Variants in PKLR observed in about 807,000 individuals in gnomAD.
PKLR encodes the protein pyruvate kinase L/R, also known as pyruvate kinase PKLR.
PKLR carries 38 observed loss-of-function variants against 53.6 expected under a neutral mutation model. The observed-to-expected ratio is 0.71, with a 90% CI of 0.55 to 0.93. PKLR has a LOEUF of 0.93. PKLR is among the 40% of genes least tolerant of loss of function. PKLR has a pLI of 0.00. For missense variants in PKLR, 702 were observed against 787.3 expected, an observed-to-expected ratio of 0.89 and a Z score of 1.30; for synonymous variants, 328 against 316.2, an observed-to-expected ratio of 1.04 and a Z score of -0.39.
chr1:155,294,002 G>A (rs8177978), intron 7 of PKLR, among the ~76,000 whole-genome samples: 18 of 152,184 alleles, frequency 1.2e-4, no homozygotes, highest in Non-Finnish European at 2.4e-4. Context: ...GCATGGCGGC[G>A]GTCACCTGTA....
At chr1:155,291,640 G>A (rs1205902391) in intron 10 of PKLR, 116 bp downstream of exon 10, 1 of 877,626 alleles carries the variant, frequency 1.1e-6, no homozygotes, top group African/African-American at 1.6e-5. Context: ...GACTCTCACA[G>A]GGAAAACCTG....
chr1:155,297,099 A>G (rs1245190658), intron 2 of PKLR, among the ~76,000 whole-genome samples: 1 of 151,992 alleles, frequency 6.6e-6, no homozygotes, highest in African/African-American at 2.4e-5. Context: ...TTAACGTTAG[A>G]TACCCTGTTC....
chr1:155,291,947 G>A lies in PKLR; in HGVS notation c.1437-10C>T, dbSNP rs1176426159. The A allele has an allele frequency of 1.9e-6, 3 of 1,612,252 alleles. No homozygotes were observed. The highest frequency in any genetic ancestry group is 1.7e-6 in the Non-Finnish European group (2 of 1,179,674). ...CAGAAGCTGGGCTGAGCTGGAGGAG[G>A]CAGAGAAGGTCAGCCCAGAACAGCA... On this transcript the variant is annotated splice_polypyrimidine_tract_variant and intron_variant, in intron 9 of 10. Transcript: ENST00000342741.
chr1:155,299,725 C>T (rs1448672040), intron 2 of PKLR, among the ~76,000 whole-genome samples: 4 of 151,798 alleles, frequency 2.6e-5, no homozygotes, highest in Non-Finnish European at 5.9e-5. Flanking sequence ...AGGCTAGTCT[C>T]GAACTCCTGA....
chr1:155,306,764 C>T, the PKLR span, among the ~76,000 whole-genome samples: 3 of 152,164 alleles, frequency 2.0e-5, no homozygotes, highest in Non-Finnish European at 4.4e-5. The surrounding 1 kb of genome is among the most constrained non-coding windows in gnomAD (Gnocchi z 4.2). Flanking sequence ...AATGAAGCCG[C>T]GGACCCTCGC....
intron 1 of PKLR, among the ~76,000 whole-genome samples, 195 bp from the exon 2 acceptor site, chr1:155,300,475 A>G (rs1263955111): frequency 6.6e-6 from 1 of 152,220 alleles, no homozygotes; most frequent in Non-Finnish European, 1.5e-5. Context: ...TGGATAAAGA[A>G]ACAGAGGCTG....
At chr1:155,308,223 G>A in the PKLR span, among the ~76,000 whole-genome samples, 56 of 148,884 alleles carry the variant, frequency 3.8e-4, 1 homozygote, top group East Asian at 0.011. Context: ...CACCACGCCC[G>A]ACTAATTTTT....
chr1:155,301,663 T>C (rs1648002066), upstream of PKLR, among the ~76,000 whole-genome samples: 2 of 152,068 alleles, frequency 1.3e-5, no homozygotes, highest in African/African-American at 2.4e-5. Flanking sequence ...TGGCCAGTCA[T>C]ATGGCCCCAT....
Position 155,299,022 on chromosome 1 carries a change from CTTTCTTTCTTTCTCT to C in PKLR, c.283+1061_283+1075del, listed in dbSNP as rs1427075866. Among the ~76,000 whole-genome samples the C allele has an allele frequency of 2.6e-3, 255 of 97,040 alleles. 11 individuals are homozygous for C. Among genetic ancestry groups the C allele is most frequent in the African/African-American group, 6.9e-3 (137 of 19,888 alleles). 63.7% of individuals were successfully genotyped at this position (97,040 alleles called of 152,430 possible). On this transcript the variant is annotated intron_variant, in intron 2 of 10. Transcript: ENST00000342741. ...TCTTTCTTTCTTTCTTTCTTTCTTT[CTTTCTTTCTTTCTCT>C]TTCTTTCTTTCTTTCCTTCCTTCCT...
chr1:155,290,338 G>A lies in PKLR; in HGVS notation c.*234C>T. ...CAATTGGTGCTGTTGGGTGGCCAGT[G>A]CATAATTGGACACAGACTTTCAGGA... On this transcript the variant is annotated 3_prime_UTR_variant, in exon 11 of 11. Transcript: ENST00000342741. 2 of 574,090 alleles carry A rather than the reference G, an allele frequency of 3.5e-6. No individual in the cohort carries two copies. The highest frequency in any genetic ancestry group is 4.0e-5 in the South Asian group (2 of 50,164). 35.6% of individuals were successfully genotyped at this position (574,090 alleles called of 1,614,324 possible). A position where few individuals can be genotyped will look rare whatever the true frequency, so the allele number is the denominator to read the frequency against.
At chr1:155,303,909 T>G (rs1378708504), upstream of PKLR, among the ~76,000 whole-genome samples, 1 of 152,082 alleles carries the variant, frequency 6.6e-6, no homozygotes, top group Admixed American at 6.6e-5. Context: ...AGAAAGGGGT[T>G]TTCCATGGCG....
At chr1:155,292,815 G>A (rs1451138548) in intron 9 of PKLR, among the ~76,000 whole-genome samples, 1 of 152,078 alleles carries the variant, frequency 6.6e-6, no homozygotes, top group Non-Finnish European at 1.5e-5. Flanking sequence ...CTGTTCATGA[G>A]GAAAGACAGC....
At chr1:155,291,022 TAATAATAATAATAATAATAAA>T (rs1674513271) in intron 10 of PKLR, among the ~76,000 whole-genome samples, 1 of 139,892 alleles carries the variant, frequency 7.1e-6, no homozygotes, top group African/African-American at 2.8e-5. Context: ...ATAATAATAA[TAATAATAATAATAATAATAAA>T]AGAAGAAAAG....
In PKLR at chr1:155,299,491, C is replaced by CTTTTTTTTTTTTTT. The variant is rs35869567; in HGVS notation, c.283+593_283+606dup. ...GGCATGAGCCACTGAGCCCAGCCCA[C>CTTTTTTTTTTTTTT]TTTTTTTTTTTTTTTTTTTTTTTTT... is the stretch of plus-strand genomic sequence containing the variant. On this transcript the variant is annotated intron_variant, in intron 2 of 10. Transcript: ENST00000342741. Among the ~76,000 whole-genome samples the CTTTTTTTTTTTTTT allele has an allele frequency of 3.7e-4, 16 of 42,760 alleles. 1 individual carries two copies. The highest frequency in any genetic ancestry group is 1.4e-3 in the African/African-American group (14 of 9,876). The allele number at this position is 42,760 out of a possible 152,430, so 28.1% of individuals were successfully genotyped here. A position where few individuals can be genotyped will look rare whatever the true frequency, so the allele number is the denominator to read the frequency against.
chr1:155,296,585 TC>T (rs2148210174), intron 2 of PKLR, among the ~76,000 whole-genome samples: 1 of 152,266 alleles, frequency 6.6e-6, no homozygotes, highest in African/African-American at 2.4e-5. Context: ...CCTCAGGTGA[TC>T]CATCCACCTC....
rs894154779 is a variant in PKLR at position 155,291,944 on chromosome 1, G to A, written c.1437-7C>T. ...AGACAGAAGCTGGGCTGAGCTGGAG[G>A]AGGCAGAGAAGGTCAGCCCAGAACA... On this transcript the variant is annotated splice_polypyrimidine_tract_variant and splice_region_variant and intron_variant, in intron 9 of 10. Coordinates refer to ENST00000342741, the MANE Select transcript of PKLR (RefSeq NM_000298.6). The A allele has an allele frequency of 3.1e-6, 5 of 1,612,572 alleles. No individual in the cohort carries two copies. Among genetic ancestry groups the A allele is most frequent in the East Asian group, 2.2e-5 (1 of 44,898 alleles).
intron 10 of PKLR, among the ~76,000 whole-genome samples, chr1:155,290,904 G>A (rs1045870010): frequency 7.3e-5 from 11 of 150,400 alleles, no homozygotes; most frequent in Non-Finnish European, 1.0e-4. Flanking sequence ...CAGGAGAATC[G>A]CTTGAACTCA....
Position 155,295,653 on chromosome 1 carries a change from C to G in PKLR, c.375+12G>C. 1 of 1,614,070 alleles carries G rather than the reference C, an allele frequency of 6.2e-7. No homozygotes were observed. Among genetic ancestry groups the G allele is most frequent in the South Asian group, 1.1e-5 (1 of 91,080 alleles). On this transcript the variant is annotated intron_variant, in intron 3 of 10. Coordinates refer to ENST00000342741, the MANE Select transcript of PKLR (RefSeq NM_000298.6). This position sits in a 1 kb window ranked among gnomAD's most constrained non-coding sequence, Gnocchi z 4.3. ...TCCTGCCCCACCCACTGCCCGGCGG[C>G]CCGTCCCGCACCTCGTGGGAGCCGT...
chr1:155,295,219 C>G lies in PKLR; in HGVS notation c.591G>C (p.Ala197=), dbSNP rs1386352541. The part of the protein sequence containing the change: ...VDPAFRTRGN[A]NTVWVDYPNI... ...TGGGGTAGTCCACCCACACGGTGTT[C>G]GCGTTCCCCCGCGTCCGGAACGCGG... The change falls in exon 5 of 11, where the codon GCG becomes GCC. Residue 197 remains alanine (A), a synonymous_variant. Transcript: ENST00000342741. The surrounding 1 kb of genome is among the most constrained non-coding windows in gnomAD (Gnocchi z 4.3). 6.2e-7 allele frequency: 1 copy of G among 1,614,072 alleles called. No individual in the cohort carries two copies. Among genetic ancestry groups the G allele is most frequent in the East Asian group, 2.2e-5 (1 of 44,882 alleles).
Sources: gnomAD v4.1 joint callset for allele counts (sites outside exome capture counted in the v4.1 genomes callset) on GRCh38, gnomAD v4.1.1 for gene constraint, Gnocchi (gnomAD v3.1) non-coding constraint, MANE v1.5 for transcripts, NCBI Gene and HGNC (gene_info 2026-07-23, HGNC 2026-07-21) for gene names.